GRM8: variants seen among roughly 807,000 people sequenced by gnomAD.
GRM8 encodes glutamate metabotropic receptor 8, also known as metabotropic glutamate receptor 8.
Under a neutral mutation model 87.2 loss-of-function variants are expected in GRM8, and 47 were observed. The ratio of observed to expected loss-of-function variants is 0.54; its 90% CI spans 0.43 to 0.69. The LOEUF (loss-of-function observed/expected upper bound fraction) is 0.69, where lower values mean the gene tolerates loss of function less well. Among genes scored for constraint, GRM8 ranks in the 30% least tolerant of loss-of-function variants. The probability of loss-of-function intolerance (pLI) is 0.00; values close to 1 mark genes in which losing one functional copy is unlikely to be tolerated. For synonymous variants in GRM8, 396 were observed against 404.5 expected (o/e 0.98, Z 0.25); for missense variants, 1,019 against 1,139.2 (o/e 0.89, Z 1.52).
intron 2 of GRM8, among the ~76,000 whole-genome samples, chr7:127,179,545 A>G (rs1403022011): frequency 1.3e-5 from 2 of 152,082 alleles, no homozygotes; most frequent in African/African-American, 4.8e-5. Flanking sequence ...CGCAAAATAC[A>G]CGTTCTATTT....
At chr7:126,633,282 A>G (rs909796952) in intron 7 of GRM8, among the ~76,000 whole-genome samples, 7 of 152,138 alleles carry the variant, frequency 4.6e-5, no homozygotes, top group Admixed American at 2.0e-4. Context: ...CAAACAAACA[A>G]AAAACAAATT....
At chr7:126,755,222 AC>A (rs1397770249) in intron 7 of GRM8, among the ~76,000 whole-genome samples, 3 of 152,044 alleles carry the variant, frequency 2.0e-5, no homozygotes, top group Non-Finnish European at 4.4e-5. Context: ...ATTTAAATCT[AC>A]TAGTTAATTG....
intron 7 of GRM8, among the ~76,000 whole-genome samples, chr7:126,742,719 G>A (rs953509248): frequency 6.6e-6 from 1 of 151,968 alleles, no homozygotes; most frequent in Non-Finnish European, 1.5e-5. Flanking sequence ...CTTTCTCTAA[G>A]TTTCTCAGTC....
intron 3 of GRM8, among the ~76,000 whole-genome samples, chr7:127,056,957 T>G (rs1267458483): frequency 1.3e-5 from 2 of 152,136 alleles, no homozygotes; most frequent in African/African-American, 2.4e-5. Flanking sequence ...CCACAGAAAA[T>G]TAAATGTAGT....
chr7:126,563,275 T>C (rs890664637), intron 8 of GRM8, among the ~76,000 whole-genome samples: 2 of 149,310 alleles, frequency 1.3e-5, no homozygotes, highest in Non-Finnish European at 3.0e-5. Context: ...TCAAAACTTC[T>C]ACTTGCCCTG....
intron 8 of GRM8, among the ~76,000 whole-genome samples, chr7:126,567,606 A>G (rs986530098): frequency 1.3e-5 from 2 of 152,204 alleles, no homozygotes; most frequent in African/African-American, 2.4e-5. Flanking sequence ...TAATTATAAT[A>G]CAACAGTTTT....
At chr7:126,740,172 T>C (rs2151507262) in intron 7 of GRM8, among the ~76,000 whole-genome samples, 1 of 152,190 alleles carries the variant, frequency 6.6e-6, no homozygotes, top group African/African-American at 2.4e-5. Context: ...ACATTGAGAA[T>C]GATAAAAGCA....
In GRM8 at chr7:126,620,930, C is replaced by T. The variant is rs539911996; in HGVS notation, c.1358-11432G>A. Among the ~76,000 whole-genome samples the T allele has an allele frequency of 3.9e-5, 6 of 152,272 alleles. No homozygotes were observed. In the South Asian group the frequency reaches 1.2e-3, roughly 32 times the overall value. On this transcript the variant is annotated intron_variant, in intron 7 of 10. Transcript: ENST00000339582. ...GTCAAGTTTATTCTTCCCTGCTCCC[C>T]TCATGCTACCAAAACCTTATTTTCC... is the stretch of plus-strand genomic sequence containing the variant.
intron 6 of GRM8, among the ~76,000 whole-genome samples, chr7:126,895,861 A>G (rs1465070241): frequency 6.6e-6 from 1 of 151,738 alleles, no homozygotes; most frequent in African/African-American, 2.4e-5. Flanking sequence ...TTAGGTAATA[A>G]CCAATATGTT....
intron 2 of GRM8, among the ~76,000 whole-genome samples, chr7:127,160,553 A>C (rs17866113): frequency 0.015 from 2,212 of 151,960 alleles, 46 homozygotes; most frequent in African/African-American, 0.05. Context: ...ACACACACAC[A>C]CCCCTCACAA....
chr7:126,637,788 G>A (rs1417994305), intron 7 of GRM8, among the ~76,000 whole-genome samples: 1 of 151,934 alleles, frequency 6.6e-6, no homozygotes, highest in African/African-American at 2.4e-5. Flanking sequence ...GTGGCCTTTC[G>A]AGTAATCATT....
chr7:126,843,204 T>C (rs1055792367), intron 6 of GRM8, among the ~76,000 whole-genome samples: 2 of 152,206 alleles, frequency 1.3e-5, no homozygotes, highest in Admixed American at 1.3e-4. Context: ...TTTCATTTCA[T>C]GTCAGTTTTG....
chr7:126,699,356 G>A (rs1255999956), intron 7 of GRM8, among the ~76,000 whole-genome samples: 2 of 152,132 alleles, frequency 1.3e-5, no homozygotes, highest in Non-Finnish European at 2.9e-5. Context: ...GTTTATAAGA[G>A]TTCTGTTGTG....
At chr7:126,860,847 T>C (rs998543089) in intron 6 of GRM8, among the ~76,000 whole-genome samples, 6 of 152,174 alleles carry the variant, frequency 3.9e-5, no homozygotes, top group Non-Finnish European at 8.8e-5. Flanking sequence ...ACTTTTTATA[T>C]ATTCATGTTC....
chr7:127,061,612 T>C (rs947130963), intron 3 of GRM8, among the ~76,000 whole-genome samples: 1 of 152,132 alleles, frequency 6.6e-6, no homozygotes, highest in Admixed American at 6.5e-5. Context: ...CCCCACACCC[T>C]TCCTCCCCCT....
chr7:126,930,915 A>G (rs1417856139), intron 3 of GRM8, among the ~76,000 whole-genome samples: 1 of 152,002 alleles, frequency 6.6e-6, no homozygotes, highest in Non-Finnish European at 1.5e-5. Context: ...GTCCCCATCC[A>G]TCTGGCACTC....
chr7:126,796,189 T>C (rs73446500), intron 6 of GRM8, among the ~76,000 whole-genome samples: 1 of 152,236 alleles, frequency 6.6e-6, no homozygotes, highest in African/African-American at 2.4e-5. Flanking sequence ...ATGAGAAAAG[T>C]ACACGCCCAT....
At chr7:126,983,632 A>G (rs1811755824) in intron 3 of GRM8, among the ~76,000 whole-genome samples, 1 of 152,118 alleles carries the variant, frequency 6.6e-6, no homozygotes, top group South Asian at 2.1e-4. Flanking sequence ...TCAAGATGAA[A>G]CCAGTCTACT....
Position 126,866,558 on chromosome 7 carries a change from G to C in GRM8, c.1156+35984C>G, listed in dbSNP as rs193002918. Among the ~76,000 whole-genome samples, 399 of 132,322 alleles carry C rather than the reference G, an allele frequency of 3.0e-3. 3 individuals carry two copies. Among genetic ancestry groups the C allele is most frequent in the African/African-American group, 0.01 (357 of 35,146 alleles). The allele number at this position is 132,322 out of a possible 152,430, so 86.8% of individuals were successfully genotyped here. ...TTATGGCTCCAGATCTTACATTCAA[G>C]TCTTGAATATACTTTGACTCAATTT... is the stretch of plus-strand genomic sequence containing the variant. On this transcript the variant is annotated intron_variant, in intron 6 of 10. Transcript: ENST00000339582.
Sources: gnomAD v4.1 joint callset for allele counts (sites outside exome capture counted in the v4.1 genomes callset) on GRCh38, gnomAD v4.1.1 for gene constraint, MANE v1.5 for transcripts, NCBI Gene and HGNC (gene_info 2026-07-23, HGNC 2026-07-21) for gene names.